The following BBS9 variants were observed in gnomAD, a reference collection of about 807,000 sequenced individuals.
BBS9 encodes the protein Bardet-Biedl syndrome 9, also known as protein PTHB1.
Under a neutral mutation model 117.7 loss-of-function variants are expected in BBS9, and 89 were observed. That is an observed-to-expected ratio of 0.76 (90% CI 0.64 to 0.90). The LOEUF (loss-of-function observed/expected upper bound fraction) is 0.90, where lower values mean the gene tolerates loss of function less well. Ranked by LOEUF, BBS9 falls within the 40% of genes least tolerant of loss-of-function variation. BBS9 has a pLI of 0.00. For synonymous variants in BBS9, 379 were observed against 370.9 expected (o/e 1.02, Z -0.25); for missense variants, 982 against 1,042.2 (o/e 0.94, Z 0.80).
At chr7:33,271,434 A>G (rs1799776634) in intron 7 of BBS9, among the ~76,000 whole-genome samples, 1 of 152,190 alleles carries the variant, frequency 6.6e-6, no homozygotes, top group African/African-American at 2.4e-5. Context: ...ACTGGATCAA[A>G]AAGCAAGACA....
intron 6 of BBS9, among the ~76,000 whole-genome samples, chr7:33,260,294 G>A (rs1489013485): frequency 6.6e-6 from 1 of 152,102 alleles, no homozygotes; most frequent in Admixed American, 6.6e-5. Flanking sequence ...GAGCCACCAC[G>A]CCCGGCCTAG....
chr7:33,630,985 T>C (rs1385702142), intron 21 of BBS9, among the ~76,000 whole-genome samples: 2 of 152,166 alleles, frequency 1.3e-5, no homozygotes, highest in African/African-American at 4.8e-5. Context: ...ATGAATTCCA[T>C]AGATAACTAC....
intron 19 of BBS9, among the ~76,000 whole-genome samples, chr7:33,395,361 T>A (rs1485241115): frequency 6.6e-6 from 1 of 152,190 alleles, no homozygotes; most frequent in African/African-American, 2.4e-5. Context: ...CATTTTCACA[T>A]AAATTTGTTA....
chr7:33,221,848 T>C (rs1297614626), intron 5 of BBS9, among the ~76,000 whole-genome samples: 1 of 152,128 alleles, frequency 6.6e-6, no homozygotes, highest in Non-Finnish European at 1.5e-5. Context: ...AAAAATATGA[T>C]ATGAAATACT....
intron 19 of BBS9, among the ~76,000 whole-genome samples, chr7:33,393,456 C>A (rs1157089431): frequency 6.6e-6 from 1 of 152,128 alleles, no homozygotes; most frequent in African/African-American, 2.4e-5. Context: ...ACTTTTAGAA[C>A]AAAGGGTCCT....
intron 19 of BBS9, among the ~76,000 whole-genome samples, chr7:33,433,241 A>G (rs1273668098): frequency 6.6e-6 from 1 of 152,192 alleles, no homozygotes; most frequent in African/African-American, 2.4e-5. Flanking sequence ...TCTTTCGTTA[A>G]TGGGTATACA....
At chr7:33,451,972 T>C (rs528803050) in intron 19 of BBS9, among the ~76,000 whole-genome samples, 1 of 152,278 alleles carries the variant, frequency 6.6e-6, no homozygotes, top group East Asian at 1.9e-4. Flanking sequence ...AAACTGGGAT[T>C]ACAGGTGTGC....
At chr7:33,576,242 A>G (rs541684982) in intron 21 of BBS9, among the ~76,000 whole-genome samples, 1 of 152,334 alleles carries the variant, frequency 6.6e-6, no homozygotes, top group East Asian at 1.9e-4. Context: ...AGAAATCACA[A>G]GCATTCCTAT....
intron 9 of BBS9, among the ~76,000 whole-genome samples, chr7:33,282,709 T>G (rs1463305539): frequency 6.6e-6 from 1 of 152,128 alleles, no homozygotes; most frequent in Non-Finnish European, 1.5e-5. Flanking sequence ...TATATCCTAG[T>G]GGAAAAAAGA....
chr7:33,424,928 A>T (rs1833432334), intron 19 of BBS9, among the ~76,000 whole-genome samples: 1 of 152,174 alleles, frequency 6.6e-6, no homozygotes, highest in South Asian at 2.1e-4. Flanking sequence ...AAAAAATTTA[A>T]AAAGTTTATG....
intron 3 of BBS9, among the ~76,000 whole-genome samples, chr7:33,153,563 T>C (rs1793668721): frequency 6.6e-6 from 1 of 152,216 alleles, no homozygotes; most frequent in Non-Finnish European, 1.5e-5. Flanking sequence ...CCTTTTGCCT[T>C]TTTAAATCTG....
At position 33,534,030 on chromosome 7, in the gene BBS9, C is replaced by T. The variant is rs1451906506; in HGVS notation, c.2375C>T (p.Ala792Val). 1.9e-6 allele frequency: 3 copies of T among 1,614,206 alleles called. No individual in the cohort carries two copies. The highest frequency in any genetic ancestry group is 1.7e-6 in the Non-Finnish European group (2 of 1,180,038). ...CTGTCGAAGAGTTCTAAGGAGCAGG[C>T]TTTGAACCTCAACAGCCAGCTGAAC... Reference protein sequence around the residue: ...TCLSKSSKEQALNLNSQLNIP... With the variant: ...TCLSKSSKEQVLNLNSQLNIP... The change falls in exon 21 of 23, where the codon GCT becomes GTT. Residue 792 changes from alanine to valine, a missense_variant. Physicochemically the swap from Ala to Val is moderately conservative, Grantham distance 64 (BLOSUM62 0). Transcript: ENST00000242067.
intron 19 of BBS9, among the ~76,000 whole-genome samples, chr7:33,454,647 G>T (rs1240734424): frequency 6.6e-6 from 1 of 152,216 alleles, no homozygotes; most frequent in East Asian, 1.9e-4. Flanking sequence ...GAGACCTGGG[G>T]TCAAGACACC....
chr7:33,503,587 T>A (rs568648044), intron 19 of BBS9, among the ~76,000 whole-genome samples: 1 of 152,196 alleles, frequency 6.6e-6, no homozygotes, highest in African/African-American at 2.4e-5. Flanking sequence ...TCTGTCACCA[T>A]TGAATTCCCT....
At chr7:33,239,289 T>G (rs1794069023) in intron 5 of BBS9, among the ~76,000 whole-genome samples, 1 of 152,206 alleles carries the variant, frequency 6.6e-6, no homozygotes, top group African/African-American at 2.4e-5. Context: ...CTTTCTCATT[T>G]AATCCTTAAA....
chr7:33,450,204 G>A (rs2128914298), intron 19 of BBS9, among the ~76,000 whole-genome samples: 1 of 152,278 alleles, frequency 6.6e-6, no homozygotes, highest in Non-Finnish European at 1.5e-5. Context: ...ACACATGACA[G>A]GATTTCTTTC....
At chr7:33,304,679 C>A (rs906252040) in intron 9 of BBS9, among the ~76,000 whole-genome samples, 1 of 151,832 alleles carries the variant, frequency 6.6e-6, no homozygotes, top group Non-Finnish European at 1.5e-5. Context: ...ATGACGATGG[C>A]GGTTTTGTCG....
At chr7:33,405,017 C>A (rs967944434) in intron 19 of BBS9, among the ~76,000 whole-genome samples, 1 of 152,106 alleles carries the variant, frequency 6.6e-6, no homozygotes, top group African/African-American at 2.4e-5. Context: ...GAGATATGTC[C>A]CATCAATACC....
chr7:33,254,560 G>A (rs1796718113), intron 5 of BBS9, among the ~76,000 whole-genome samples: 1 of 152,080 alleles, frequency 6.6e-6, no homozygotes, highest in South Asian at 2.1e-4. Flanking sequence ...AATTTCAAGT[G>A]TCCATTATTA....
Sources: gnomAD v4.1 joint callset for allele counts (sites outside exome capture counted in the v4.1 genomes callset) on GRCh38, gnomAD v4.1.1 for gene constraint, MANE v1.5 for transcripts, NCBI Gene and HGNC (gene_info 2026-07-23, HGNC 2026-07-21) for gene names.